The following VPS41 variants were observed in gnomAD, a reference collection of about 807,000 sequenced individuals.
The protein encoded by VPS41 is VPS41 subunit of HOPS complex.
In VPS41, 85 loss-of-function variants were observed where a neutral mutation model predicts 130.9. That is an observed-to-expected ratio of 0.65 (90% confidence interval 0.55 to 0.78). The LOEUF is 0.78. Ranked by LOEUF, VPS41 falls within the 30% of genes least tolerant of loss-of-function variation. The pLI, the probability that VPS41 is intolerant of heterozygous loss-of-function variation, is 0.00. For synonymous variants in VPS41, 335 were observed against 332.9 expected (o/e 1.01, Z -0.07); for missense variants, 874 against 1,018.7 (o/e 0.86, Z 1.93).
At chr7:38,788,620 A>G (rs1784481540) in intron 10 of VPS41, among the ~76,000 whole-genome samples, 1 of 152,200 alleles carries the variant, frequency 6.6e-6, no homozygotes, top group African/African-American at 2.4e-5. Context: ...ATTTTCTAGT[A>G]GGCAAGGAAA....
In VPS41 at chr7:38,756,028, G is replaced by T. The variant is rs544397079; in HGVS notation, c.1695+810C>A. On this transcript the variant is annotated intron_variant, in intron 19 of 28. Coordinates refer to ENST00000310301, the MANE Select transcript of VPS41 (RefSeq NM_014396.4). ...TCCTATCTAAATTAAGTTTAAGTTGGTGGAGATTAATATAGCACACAATAT... is the reference window on the plus strand; with the variant it reads ...TCCTATCTAAATTAAGTTTAAGTTGTTGGAGATTAATATAGCACACAATAT... 1.2e-4 allele frequency among the ~76,000 whole-genome samples: 18 copies of T among 152,268 alleles called. No individual in the cohort carries two copies. The East Asian group carries it at 3.3e-3, about 28-fold the overall frequency.
rs539027482 is a variant in VPS41 at position 38,743,592 on chromosome 7, A to AT, written c.1982-51dup. The AT allele has an allele frequency of 1.4e-3, 2,241 of 1,585,860 alleles. 6 individuals are homozygous for AT. Among genetic ancestry groups the AT allele is most frequent in the South Asian group, 3.9e-3 (340 of 87,030 alleles). ...AGAGTTCATTTAAGGTATTTTAATA[A>AT]TTTTTTTAAAGAAATTGCATATCTC... On this transcript the variant is annotated intron_variant, in intron 23 of 28. Coordinates refer to ENST00000310301, the MANE Select transcript of VPS41 (RefSeq NM_014396.4).
intron 25 of VPS41, among the ~76,000 whole-genome samples, 184 bp downstream of exon 25, chr7:38,741,801 G>T (rs540411408): frequency 2.6e-5 from 4 of 152,230 alleles, no homozygotes; most frequent in East Asian, 3.9e-4. Flanking sequence ...ACTGGACAAC[G>T]CAATTTTAAA....
chr7:38,758,272 A>G, intron 18 of VPS41, 82 bp downstream of exon 18: 1 of 1,307,222 alleles, frequency 7.6e-7, no homozygotes, highest in Admixed American at 2.4e-5. Context: ...CATCTTCTCC[A>G]CTTGGAGTTT....
chr7:38,882,991 C>T (rs1786645406), intron 2 of VPS41, among the ~76,000 whole-genome samples: 1 of 152,156 alleles, frequency 6.6e-6, no homozygotes, highest in Non-Finnish European at 1.5e-5. Context: ...GCCTGTAATC[C>T]CAGCACTTTG....
intron 4 of VPS41, among the ~76,000 whole-genome samples, chr7:38,850,696 A>G (rs879528792): frequency 6.6e-6 from 1 of 152,104 alleles, no homozygotes; most frequent in Admixed American, 6.5e-5. Context: ...GATCAATGTT[A>G]TTTCTGCTTG....
chr7:38,727,160 AG>A (rs1795561119), intron 27 of VPS41, 172 bp from the exon 28 acceptor site: 1 of 501,504 alleles, frequency 2.0e-6, no homozygotes, highest in Non-Finnish European at 3.3e-6. Flanking sequence ...GACACAAAAC[AG>A]GTATTATAAT....
intron 18 of VPS41, 113 bp from the exon 19 acceptor site, chr7:38,757,095 GT>G: frequency 2.4e-6 from 2 of 822,340 alleles, no homozygotes; most frequent in South Asian, 3.5e-5. Context: ...AGAGAGAAAA[GT>G]TAACTTTATT....
intron 25 of VPS41, among the ~76,000 whole-genome samples, chr7:38,732,673 A>T (rs6973641): frequency 0.21 from 32,097 of 151,878 alleles, 4,344 homozygotes; most frequent in Non-Finnish European, 0.31. Flanking sequence ...TTGTGTTTTT[A>T]AAAAAAAGAT....
At chr7:38,896,451 C>T (rs1786994564) in intron 2 of VPS41, among the ~76,000 whole-genome samples, 1 of 152,222 alleles carries the variant, frequency 6.6e-6, no homozygotes, top group Non-Finnish European at 1.5e-5. Context: ...CAAGCTTGTC[C>T]AACCCATGGC....
chr7:38,852,944 TTC>T (rs1785890880), intron 4 of VPS41, among the ~76,000 whole-genome samples: 1 of 152,180 alleles, frequency 6.6e-6, no homozygotes, highest in African/African-American at 2.4e-5. Flanking sequence ...AAACACTCCA[TTC>T]TTTTTCCTTT....
intron 8 of VPS41, among the ~76,000 whole-genome samples, chr7:38,795,879 A>G (rs1404020088): frequency 6.6e-6 from 1 of 152,230 alleles, no homozygotes; most frequent in African/African-American, 2.4e-5. Context: ...ATGTACAAAC[A>G]TCAATAGCTG....
At chr7:38,823,334 G>T (rs1395837913) in intron 5 of VPS41, among the ~76,000 whole-genome samples, 1 of 152,126 alleles carries the variant, frequency 6.6e-6, no homozygotes, top group African/African-American at 2.4e-5. Flanking sequence ...TGGAAGCAAG[G>T]AGAGCAGCCC....
rs751705940 is a variant in VPS41 at position 38,796,870 on chromosome 7, G to C, written c.451-6C>G. The C allele has an allele frequency of 6.2e-7, 1 of 1,613,542 alleles. No individual in the cohort carries two copies. Among genetic ancestry groups the C allele is most frequent in the Non-Finnish European group, 8.5e-7 (1 of 1,179,694 alleles). On this transcript the variant is annotated splice_region_variant and splice_polypyrimidine_tract_variant and intron_variant, in intron 7 of 28. Transcript: ENST00000310301. ...GACCGTTCAAACAGTAGCAGCTAGG[G>C]ACAAAAAGCATAAACAAAGAATCTT...
At chr7:38,745,065 C>T (rs1795960265) in intron 23 of VPS41, among the ~76,000 whole-genome samples, 1 of 152,058 alleles carries the variant, frequency 6.6e-6, no homozygotes, top group Admixed American at 6.6e-5. Context: ...ATGCATGGTA[C>T]AAAAATTGTG....
chr7:38,804,496 C>T (rs1018871822), intron 7 of VPS41, among the ~76,000 whole-genome samples: 3 of 152,168 alleles, frequency 2.0e-5, no homozygotes, highest in East Asian at 3.8e-4. Flanking sequence ...GTTAATTCTG[C>T]GAAACCTATA....
intron 10 of VPS41, among the ~76,000 whole-genome samples, chr7:38,789,419 T>C (rs865803159): frequency 3.7e-4 from 56 of 152,100 alleles, no homozygotes; most frequent in Middle Eastern, 3.4e-3. Context: ...AGCCAAATAC[T>C]GTGCTAGACA....
chr7:38,776,026 G>A (rs1192378780), intron 11 of VPS41, among the ~76,000 whole-genome samples: 1 of 152,120 alleles, frequency 6.6e-6, no homozygotes, highest in African/African-American at 2.4e-5. Context: ...GACAAGCTGG[G>A]AATGGGGCCG....
At chr7:38,756,734 G>A (rs575457578) in intron 19 of VPS41, 104 bp downstream of exon 19, 1 of 871,256 alleles carries the variant, frequency 1.1e-6, no homozygotes, top group Non-Finnish European at 1.7e-6. Flanking sequence ...ATAAAGCCAA[G>A]TTATGTGATT....
Sources: allele counts gnomAD v4.1 joint callset (sites outside exome capture counted in the v4.1 genomes callset), GRCh38; gene constraint gnomAD v4.1.1; transcripts MANE v1.5; gene names NCBI Gene and HGNC (gene_info 2026-07-23, HGNC 2026-07-21).